ICOS: variants seen among roughly 807,000 people sequenced by gnomAD.
The protein encoded by ICOS is inducible T-cell costimulator.
In ICOS, 15 loss-of-function variants were observed where a neutral mutation model predicts 24.6. The observed-to-expected ratio is 0.61, with a 90% CI of 0.41 to 0.94. ICOS has a LOEUF of 0.94. ICOS is among the 40% of genes least tolerant of loss of function. The pLI is 0.00. For missense variants in ICOS, 200 were observed against 233.0 expected (o/e 0.86, Z 0.92); for synonymous variants, 89 against 77.5 (o/e 1.15, Z -0.78).
intron 1 of ICOS, among the ~76,000 whole-genome samples, chr2:203,940,794 T>A (rs576333273): frequency 2.0e-5 from 3 of 152,324 alleles, no homozygotes; most frequent in South Asian, 4.1e-4. Flanking sequence ...TCTATTAATT[T>A]TTTTTTTGAG....
chr2:203,944,077 G>A (rs2105746800), intron 1 of ICOS, among the ~76,000 whole-genome samples: 1 of 152,312 alleles, frequency 6.6e-6, no homozygotes, highest in South Asian at 2.1e-4. Flanking sequence ...CCTCCCAGCT[G>A]TGAAAGAAAA....
intron 1 of ICOS, among the ~76,000 whole-genome samples, chr2:203,940,386 A>T (rs1338657353): frequency 6.6e-6 from 1 of 152,218 alleles, no homozygotes; most frequent in African/African-American, 2.4e-5. Context: ...TTCAATGACA[A>T]CATCATTCTG....
At chr2:203,959,515 G>A in intron 4 of ICOS, 71 bp from the exon 5 acceptor site, 2 of 1,335,782 alleles carry the variant, frequency 1.5e-6, no homozygotes, top group Non-Finnish European at 2.2e-6. Context: ...GCAATGGAGA[G>A]GGGAAAGCTT....
At chr2:203,948,762 A>G (rs1254989077) in intron 1 of ICOS, among the ~76,000 whole-genome samples, 1 of 152,228 alleles carries the variant, frequency 6.6e-6, no homozygotes, top group African/African-American at 2.4e-5. Context: ...GTGGTCACTG[A>G]AGAAGTGTCA....
At chr2:203,957,916 G>A (rs779674689) in intron 4 of ICOS, 33 bp downstream of exon 4, 2 of 1,367,100 alleles carry the variant, frequency 1.5e-6, no homozygotes, top group South Asian at 2.3e-5. Context: ...GGGAAGGGAA[G>A]AGGTTTCTTC....
At chr2:203,956,803 G>A in intron 3 of ICOS, 38 bp downstream of exon 3, 3 of 1,293,224 alleles carry the variant, frequency 2.3e-6, no homozygotes, top group Non-Finnish European at 3.4e-6. Context: ...CTGCTTTACA[G>A]ATGCACATCA....
intron 3 of ICOS, 27 bp downstream of exon 3, chr2:203,956,792 T>A: frequency 7.1e-7 from 1 of 1,408,788 alleles, no homozygotes; most frequent in Non-Finnish European, 1.0e-6. Context: ...TTTCCTTGTA[T>A]CTGCTTTACA....
At chr2:203,938,922 T>C (rs1247289776) in intron 1 of ICOS, among the ~76,000 whole-genome samples, 1 of 152,214 alleles carries the variant, frequency 6.6e-6, no homozygotes, top group Non-Finnish European at 1.5e-5. Flanking sequence ...CTGCTAGCAA[T>C]GATCCTATTT....
chr2:203,960,127 G>C lies in ICOS; in HGVS notation c.*528G>C, dbSNP rs1005393041. On this transcript the variant is annotated 3_prime_UTR_variant, in exon 5 of 5. Transcript: ENST00000316386. ...AGATGTTGATGTGAACTGTACATTA[G>C]TACATACTCAGTACTCTCCTTCAAT... is the stretch of plus-strand genomic sequence containing the variant. The C allele has an allele frequency of 3.7e-5, 7 of 190,074 alleles. No individual in the cohort carries two copies. The highest frequency in any genetic ancestry group is 1.2e-4 in the African/African-American group (5 of 42,898). 11.8% of individuals were successfully genotyped at this position (190,074 alleles called of 1,614,324 possible).
At chr2:203,948,566 GATACTTGGGATGGATTTGTGA>G in intron 1 of ICOS, among the ~76,000 whole-genome samples, 1 of 152,310 alleles carries the variant, frequency 6.6e-6, no homozygotes, top group Non-Finnish European at 1.5e-5. Context: ...TATTATTGTA[GATACTTGGGATGGATTTGTGA>G]ATAAGACCAA....
At chr2:203,951,727 T>C (rs960893117) in intron 1 of ICOS, among the ~76,000 whole-genome samples, 1 of 152,232 alleles carries the variant, frequency 6.6e-6, no homozygotes, top group African/African-American at 2.4e-5. Flanking sequence ...TTGCTGCCAT[T>C]CTAAAGTCTC....
At chr2:203,951,610 GA>G (rs1689974802) in intron 1 of ICOS, among the ~76,000 whole-genome samples, 1 of 152,132 alleles carries the variant, frequency 6.6e-6, no homozygotes, top group Non-Finnish European at 1.5e-5. Context: ...CACAATGGGG[GA>G]AAAATCTGCT....
chr2:203,938,340 C>G lies in ICOS; in HGVS notation c.58+1468C>G, dbSNP rs143774730. Among the ~76,000 whole-genome samples, 638 of 152,222 alleles carry G rather than the reference C, an allele frequency of 4.2e-3. 4 individuals carry two copies. The highest frequency in any genetic ancestry group is 0.014 in the African/African-American group (578 of 41,520). On this transcript the variant is annotated intron_variant, in intron 1 of 4. Transcript: ENST00000316386. ...GGTATGAAGGTAGGGAAGAACGTTCCATACCATGGAAGGAACAAGTGCAAA... is the reference window on the plus strand; with the variant it reads ...GGTATGAAGGTAGGGAAGAACGTTCGATACCATGGAAGGAACAAGTGCAAA...
chr2:203,959,443 GGTGT>G, intron 4 of ICOS, 139 bp from the exon 5 acceptor site: 2 of 726,344 alleles, frequency 2.8e-6, no homozygotes, highest in African/African-American at 2.0e-5. Flanking sequence ...GAGTTTGCAT[GGTGT>G]GTGTGTGAGT....
At chr2:203,950,996 G>A (rs1223582608) in intron 1 of ICOS, among the ~76,000 whole-genome samples, 2 of 151,724 alleles carry the variant, frequency 1.3e-5, no homozygotes, top group South Asian at 4.2e-4. Flanking sequence ...GGAGGCAGAG[G>A]TTGCAGTGAG....
chr2:203,941,409 A>T (rs1448030438), intron 1 of ICOS, among the ~76,000 whole-genome samples: 1 of 152,168 alleles, frequency 6.6e-6, no homozygotes, highest in Admixed American at 6.5e-5. Context: ...GTAGAAACAA[A>T]ATGCAGGCAT....
At chr2:203,941,887 C>A (rs1241043184) in intron 1 of ICOS, among the ~76,000 whole-genome samples, 3 of 151,624 alleles carry the variant, frequency 2.0e-5, no homozygotes, top group Admixed American at 6.6e-5. Context: ...TAAGGTTGAC[C>A]AAAACAGGTA....
At chr2:203,957,374 G>A (rs75455672) in intron 3 of ICOS, among the ~76,000 whole-genome samples, 1,817 of 152,014 alleles carry the variant, frequency 0.012, 24 homozygotes, top group Non-Finnish European at 0.021. Flanking sequence ...CCTGTGCTGG[G>A]GGATATTCTT....
At chr2:203,946,900 G>C (rs4522587) in intron 1 of ICOS, among the ~76,000 whole-genome samples, 98,408 of 152,036 alleles carry the variant, frequency 0.65, 34,853 homozygotes, top group South Asian at 0.78. Context: ...TTTGTGGTTA[G>C]AAGTCTGAGT....
Sources: allele counts gnomAD v4.1 joint callset (sites outside exome capture counted in the v4.1 genomes callset), GRCh38; gene constraint gnomAD v4.1.1; transcripts MANE v1.5; gene names NCBI Gene and HGNC (gene_info 2026-07-23, HGNC 2026-07-21).